Variants in BRSK2 observed in about 807,000 individuals in gnomAD.
BRSK2 encodes serine/threonine-protein kinase BRSK2.
A neutral mutation model predicts 83.3 loss-of-function variants in BRSK2; 19 were observed. The observed-to-expected ratio is 0.23, with a 90% CI of 0.16 to 0.33. The LOEUF is 0.33. Among genes scored for constraint, BRSK2 ranks in the 10% least tolerant of loss-of-function variants. The pLI is 1.00. For missense variants in BRSK2, 798 were observed against 1,042.3 expected (o/e 0.77, Z 3.23); for synonymous variants, 519 against 435.4 (o/e 1.19, Z -2.39).
At chr11:1,406,057 T>G (rs1161334607) in intron 1 of BRSK2, among the ~76,000 whole-genome samples, 2 of 152,056 alleles carry the variant, frequency 1.3e-5, no homozygotes, top group Non-Finnish European at 2.9e-5. Context: ...TCACACTGTT[T>G]GTTGCCCGCT....
In BRSK2 at chr11:1,445,534, G is replaced by A. The variant is rs780539802; in HGVS notation, c.978-37G>A. 3.4e-5 allele frequency: 54 copies of A among 1,598,494 alleles called. 1 individual carries two copies. In the South Asian group the frequency reaches 4.0e-4, roughly 12 times the overall value. Reference sequence around the variant, plus strand: ...CTGCCCCGGAGGAGCCGGCGGCCCCGTGTGCCAGCGCGTCTCGCGCCTCTC... The same window carrying A: ...CTGCCCCGGAGGAGCCGGCGGCCCCATGTGCCAGCGCGTCTCGCGCCTCTC... On this transcript the variant is annotated intron_variant, in intron 10 of 19. Transcript: ENST00000528841.
chr11:1,391,769 G>C (rs966441799), intron 1 of BRSK2, among the ~76,000 whole-genome samples: 1 of 152,180 alleles, frequency 6.6e-6, no homozygotes, highest in Non-Finnish European at 1.5e-5. Flanking sequence ...CAGGATGCAG[G>C]AGTCAGTGAG....
intron 19 of BRSK2, among the ~76,000 whole-genome samples, chr11:1,459,715 G>A (rs551999280): frequency 1.3e-5 from 2 of 152,306 alleles, no homozygotes; most frequent in African/African-American, 2.4e-5. Flanking sequence ...AGGGCCCCAA[G>A]AAGGGTGGGC....
At chr11:1,435,582 C>T (rs1415044798) in intron 1 of BRSK2, among the ~76,000 whole-genome samples, 2 of 40,046 alleles carry the variant, frequency 5.0e-5, no homozygotes, top group African/African-American at 1.1e-4. Flanking sequence ...GGGGTCTCGG[C>T]GGAGGAGGGG....
At chr11:1,406,079 G>A (rs542508408) in intron 1 of BRSK2, among the ~76,000 whole-genome samples, 4 of 152,190 alleles carry the variant, frequency 2.6e-5, no homozygotes, top group Admixed American at 2.0e-4. Context: ...CCCTGCCGAG[G>A]TCAGGGTGTC....
intron 1 of BRSK2, among the ~76,000 whole-genome samples, chr11:1,402,288 A>G (rs1846531441): frequency 6.6e-6 from 1 of 152,166 alleles, no homozygotes; most frequent in South Asian, 2.1e-4. Flanking sequence ...CACTCCTGGG[A>G]GCCCTTTGTG....
At chr11:1,393,776 G>A (rs1017178388) in intron 1 of BRSK2, among the ~76,000 whole-genome samples, 1 of 152,226 alleles carries the variant, frequency 6.6e-6, no homozygotes, top group Non-Finnish European at 1.5e-5. Flanking sequence ...GATGTGGAGG[G>A]GAAGGAAGCT....
chr11:1,458,643 T>G (rs1468805286), intron 18 of BRSK2, among the ~76,000 whole-genome samples: 2 of 152,142 alleles, frequency 1.3e-5, no homozygotes, highest in Non-Finnish European at 2.9e-5. Context: ...GTCCACCCTG[T>G]GCAGGCGCCA....
At chr11:1,449,996 G>C (rs1463980566) in intron 13 of BRSK2, among the ~76,000 whole-genome samples, 160 bp downstream of exon 13, 1 of 152,176 alleles carries the variant, frequency 6.6e-6, no homozygotes, top group Non-Finnish European at 1.5e-5. Context: ...TGTGGCGCAG[G>C]CTGCTCTGCT....
At chr11:1,445,159 G>T in intron 9 of BRSK2, 135 bp from the exon 10 acceptor site, 1 of 1,458,664 alleles carries the variant, frequency 6.9e-7, no homozygotes, top group Non-Finnish European at 9.4e-7. Flanking sequence ...CGGGCAGGAC[G>T]CAGGAGGCCT....
At chr11:1,406,830 C>T (rs1846907617) in intron 1 of BRSK2, among the ~76,000 whole-genome samples, 1 of 152,196 alleles carries the variant, frequency 6.6e-6, no homozygotes, top group African/African-American at 2.4e-5. Context: ...GCATCTGCTC[C>T]CTCCACGAGG....
At chr11:1,458,494 G>A (rs902976105) in intron 18 of BRSK2, among the ~76,000 whole-genome samples, 1 of 152,084 alleles carries the variant, frequency 6.6e-6, no homozygotes, top group African/African-American at 2.4e-5. Flanking sequence ...TGTCCAGTGA[G>A]CCCAGCTCCA....
chr11:1,459,123 C>A, intron 18 of BRSK2, 69 bp from the exon 19 acceptor site: 2 of 1,497,624 alleles, frequency 1.3e-6, no homozygotes, highest in Non-Finnish European at 9.2e-7. Flanking sequence ...AGGCTGTGGG[C>A]GTCCAGCCAG....
At chr11:1,457,530 C>A (rs964990118) in intron 18 of BRSK2, among the ~76,000 whole-genome samples, 1 of 152,114 alleles carries the variant, frequency 6.6e-6, no homozygotes, top group Admixed American at 6.5e-5. Context: ...GGGGGCAGGG[C>A]GGAGCACTGG....
chr11:1,422,216 C>T (rs892123909), intron 1 of BRSK2, among the ~76,000 whole-genome samples: 14 of 152,120 alleles, frequency 9.2e-5, no homozygotes, highest in East Asian at 3.9e-4. Flanking sequence ...AGATTGGGGG[C>T]GGGGGCTGGC....
intron 13 of BRSK2, among the ~76,000 whole-genome samples, chr11:1,450,108 C>T (rs759481095): frequency 8.5e-5 from 13 of 152,156 alleles, no homozygotes; most frequent in Admixed American, 7.2e-4. Context: ...TCCCCACCCT[C>T]CCGCTCCCGC....
At chr11:1,396,142 T>C (rs912037766) in intron 1 of BRSK2, among the ~76,000 whole-genome samples, 13 of 150,548 alleles carry the variant, frequency 8.6e-5, no homozygotes, top group African/African-American at 2.7e-4. Context: ...AGGTTGTCGC[T>C]GTGCCAGGTG....
At chr11:1,446,942 G>A (rs1394093703) in intron 12 of BRSK2, among the ~76,000 whole-genome samples, 1 of 152,148 alleles carries the variant, frequency 6.6e-6, no homozygotes, top group Non-Finnish European at 1.5e-5. Context: ...GAACTTGGGG[G>A]AAGCTGTGGG....
At chr11:1,427,732 T>A (rs1175136644) in intron 1 of BRSK2, among the ~76,000 whole-genome samples, 1 of 152,164 alleles carries the variant, frequency 6.6e-6, no homozygotes, top group Non-Finnish European at 1.5e-5. Flanking sequence ...AGATGGACTC[T>A]CAATTGGAAA....
Sources: allele counts gnomAD v4.1 joint callset (sites outside exome capture counted in the v4.1 genomes callset), GRCh38; gene constraint gnomAD v4.1.1; transcripts MANE v1.5; gene names NCBI Gene and HGNC (gene_info 2026-07-23, HGNC 2026-07-21).